Variants in WWOX observed in about 807,000 individuals in gnomAD.
WWOX encodes the protein WW domain containing oxidoreductase, also known as WW domain-containing oxidoreductase.
Under a neutral mutation model 46.2 loss-of-function variants are expected in WWOX, and 69 were observed. The ratio of observed to expected loss-of-function variants is 1.49; its 90% CI spans 1.23 to 1.82. WWOX has a LOEUF of 1.82. Ranked by LOEUF, WWOX falls within the 40% of genes most tolerant of loss-of-function variation. The pLI, the probability that WWOX is intolerant of heterozygous loss-of-function variation, is 0.00. For missense variants in WWOX, 919 were observed against 542.6 expected (o/e 1.69, Z -6.89); for synonymous variants, 359 against 202.6 (o/e 1.77, Z -6.56).
chr16:78,479,383 G>A (rs1468351496), intron 8 of WWOX, among the ~76,000 whole-genome samples: 2 of 152,190 alleles, frequency 1.3e-5, no homozygotes, highest in East Asian at 1.9e-4. Flanking sequence ...CTGAGAGGAG[G>A]TTGGGTTTAG....
At chr16:79,202,695 G>A (rs1195595003) in intron 8 of WWOX, 2 of 152,162 alleles carry the variant, frequency 1.3e-5, no homozygotes, top group South Asian at 2.1e-4. Flanking sequence ...GTTAACAAAC[G>A]AGTTCAAGTA....
chr16:78,399,937 G>A (rs1307859916), intron 6 of WWOX, among the ~76,000 whole-genome samples: 1 of 152,048 alleles, frequency 6.6e-6, no homozygotes, highest in Non-Finnish European at 1.5e-5. Context: ...ATAAATCAGC[G>A]GTGCTACACC....
intron 5 of WWOX, chr16:78,278,575 A>G: frequency 6.3e-7 from 1 of 1,596,320 alleles, no homozygotes; most frequent in East Asian, 2.2e-5. Context: ...TTAATTTTAC[A>G]CAACTGTCTT....
intron 8 of WWOX, among the ~76,000 whole-genome samples, chr16:78,748,489 T>A (rs1359767854): frequency 1.3e-5 from 2 of 152,188 alleles, no homozygotes; most frequent in African/African-American, 2.4e-5. Flanking sequence ...AGTTCACCTT[T>A]CGGCTCCTTT....
chr16:78,932,359 C>T (rs1480945669), intron 8 of WWOX, among the ~76,000 whole-genome samples: 2 of 152,152 alleles, frequency 1.3e-5, no homozygotes, highest in Admixed American at 6.5e-5. Flanking sequence ...CCCCTCAGGC[C>T]GTTTTTCCAC....
intron 8 of WWOX, among the ~76,000 whole-genome samples, chr16:79,060,967 G>C (rs1398354336): frequency 6.6e-6 from 1 of 152,208 alleles, no homozygotes; most frequent in Non-Finnish European, 1.5e-5. Flanking sequence ...AACAAGCACA[G>C]AGAGGCTAAG....
At position 78,597,540 on chromosome 16, in the gene WWOX, G is replaced by C. The variant is rs867338864; in HGVS notation, c.1056+164788G>C. Among the ~76,000 whole-genome samples the C allele has an allele frequency of 2.4e-4, 37 of 152,198 alleles. No homozygotes were observed. The Middle Eastern group carries it at 0.014, about 56-fold the overall frequency. On this transcript the variant is annotated intron_variant, in intron 8 of 8. Coordinates refer to ENST00000566780, the MANE Select transcript of WWOX (RefSeq NM_016373.4). ...CTTTCTGCTTTCAGAAACAATACTG[G>C]TGACCTGTTTTAAGAAAAGCTGAAA...
chr16:78,684,502 C>T (rs867313193), intron 8 of WWOX, among the ~76,000 whole-genome samples: 4 of 152,164 alleles, frequency 2.6e-5, no homozygotes, highest in Non-Finnish European at 4.4e-5. Flanking sequence ...ATTTGCAGTT[C>T]CCTCAGATTT....
At chr16:78,338,993 A>G (rs566570756) in intron 5 of WWOX, among the ~76,000 whole-genome samples, 1 of 120,582 alleles carries the variant, frequency 8.3e-6, no homozygotes, top group South Asian at 2.5e-4. Flanking sequence ...AATTGCATGT[A>G]AACTGTTACT....
chr16:78,294,291 TTGCAGA>T (rs2079907429), intron 5 of WWOX, among the ~76,000 whole-genome samples: 1 of 152,094 alleles, frequency 6.6e-6, no homozygotes, highest in Non-Finnish European at 1.5e-5. Flanking sequence ...AGTGCCGGGG[TTGCAGA>T]TGCAGAGGCA....
chr16:78,457,669 T>C (rs1303957172), intron 8 of WWOX, among the ~76,000 whole-genome samples: 3 of 151,910 alleles, frequency 2.0e-5, no homozygotes, highest in Admixed American at 2.0e-4. Flanking sequence ...ATCCCAGCAC[T>C]TTGGGAGGCC....
chr16:78,584,978 G>C (rs1057409311), intron 8 of WWOX, among the ~76,000 whole-genome samples: 68 of 152,188 alleles, frequency 4.5e-4, no homozygotes, highest in African/African-American at 1.5e-3. Context: ...CCTGAGGGTT[G>C]GGTGCCAAAG....
chr16:78,445,600 C>A (rs575491147), intron 8 of WWOX, among the ~76,000 whole-genome samples: 1 of 152,110 alleles, frequency 6.6e-6, no homozygotes, highest in Non-Finnish European at 1.5e-5. Context: ...TGATCACCTT[C>A]GGTTAGTAAA....
intron 5 of WWOX, among the ~76,000 whole-genome samples, chr16:78,324,177 T>A (rs1197009620): frequency 1.3e-5 from 2 of 152,092 alleles, no homozygotes; most frequent in East Asian, 3.9e-4. Context: ...GCTGCTTTCC[T>A]CAAGGCAAGG....
chr16:78,738,350 C>T (rs771360770), intron 8 of WWOX, among the ~76,000 whole-genome samples: 4 of 152,030 alleles, frequency 2.6e-5, no homozygotes, highest in Non-Finnish European at 5.9e-5. Flanking sequence ...AATAATTAGG[C>T]ATAAAATCAA....
chr16:78,533,413 A>T, intron 8 of WWOX, among the ~76,000 whole-genome samples: 1 of 12,922 alleles, frequency 7.7e-5, no homozygotes, highest in Non-Finnish European at 9.1e-4. Flanking sequence ...TGATGAGCTA[A>T]AAAAAAAAAA....
chr16:78,184,285 T>C (rs1376486090), intron 5 of WWOX, among the ~76,000 whole-genome samples: 1 of 152,122 alleles, frequency 6.6e-6, no homozygotes. Context: ...CATATTTGAA[T>C]TTACGGGGAT....
intron 5 of WWOX, among the ~76,000 whole-genome samples, chr16:78,380,865 A>G (rs2081940447): frequency 6.6e-6 from 1 of 152,238 alleles, no homozygotes; most frequent in African/African-American, 2.4e-5. Flanking sequence ...ATTGGAAAAC[A>G]ATGGTCATCA....
At chr16:78,253,152 A>G (rs893087274) in intron 5 of WWOX, among the ~76,000 whole-genome samples, 1 of 152,154 alleles carries the variant, frequency 6.6e-6, no homozygotes, top group Admixed American at 6.6e-5. Context: ...GATTTTTGGT[A>G]TTCTCCCTAT....
Sources: allele counts gnomAD v4.1 joint callset (sites outside exome capture counted in the v4.1 genomes callset), GRCh38; gene constraint gnomAD v4.1.1; transcripts MANE v1.5; gene names NCBI Gene and HGNC (gene_info 2026-07-23, HGNC 2026-07-21).